STON1: variants seen among roughly 807,000 people sequenced by gnomAD.
The protein encoded by STON1 is stonin 1.
A neutral mutation model predicts 60.9 loss-of-function variants in STON1; 79 were observed. The ratio of observed to expected loss-of-function variants is 1.30; its 90% CI spans 1.08 to 1.56. The LOEUF is 1.56. Ranked by LOEUF, STON1 falls within the 40% of genes most tolerant of loss-of-function variation. The pLI, the probability that STON1 is intolerant of heterozygous loss-of-function variation, is 0.00. For synonymous variants in STON1, 363 were observed against 306.9 expected, an observed-to-expected ratio of 1.18 and a Z score of -1.91; for missense variants, 1,166 against 858.9, an observed-to-expected ratio of 1.36 and a Z score of -4.47.
Position 48,591,649 on chromosome 2 carries a change from C to A in STON1, c.1931-4C>A. The stretch of plus-strand genomic sequence containing the variant: ...TTTGACTATTTGATTTTTTTTCCCT[C>A]GAGGTCTAGATCATCCCCATTGTCT... On this transcript the variant is annotated splice_polypyrimidine_tract_variant and splice_region_variant and intron_variant, in intron 2 of 3. Coordinates refer to ENST00000404752, the MANE Select transcript of STON1 (RefSeq NM_006873.4). 1.2e-6 allele frequency: 2 copies of A among 1,609,032 alleles called. No individual in the cohort carries two copies. Among genetic ancestry groups the A allele is most frequent in the South Asian group, 1.1e-5 (1 of 90,156 alleles).
At chr2:48,551,327 G>A (rs1672096090) in intron 1 of STON1, among the ~76,000 whole-genome samples, 1 of 152,204 alleles carries the variant, frequency 6.6e-6, no homozygotes, top group Non-Finnish European at 1.5e-5. Flanking sequence ...TGCAGTGAAG[G>A]AAGGTCATGC....
At chr2:48,588,214 C>G (rs146732420) in intron 2 of STON1, among the ~76,000 whole-genome samples, 15 of 152,268 alleles carry the variant, frequency 9.9e-5, no homozygotes, top group Middle Eastern at 6.8e-3. Flanking sequence ...AAGGAATACG[C>G]TTAGAATAGC....
At chr2:48,559,689 A>T (rs1256758737) in intron 1 of STON1, among the ~76,000 whole-genome samples, 1 of 152,170 alleles carries the variant, frequency 6.6e-6, no homozygotes, top group Non-Finnish European at 1.5e-5. Flanking sequence ...CAGGGCTGGG[A>T]TTGAAACACA....
At chr2:48,566,943 A>G (rs1428982316) in intron 1 of STON1, among the ~76,000 whole-genome samples, 3 of 152,192 alleles carry the variant, frequency 2.0e-5, no homozygotes, top group Admixed American at 6.5e-5. Flanking sequence ...GCCTGGCTAG[A>G]ATTTGGTCAA....
chr2:48,575,755 G>GTTT (rs199808169), intron 1 of STON1, among the ~76,000 whole-genome samples: 11 of 109,732 alleles, frequency 1.0e-4, no homozygotes, highest in Admixed American at 1.9e-4. Context: ...TTTAGTTTTT[G>GTTT]TTTGTTTTTT....
intron 1 of STON1, among the ~76,000 whole-genome samples, chr2:48,551,239 C>T (rs963237007): frequency 6.6e-5 from 10 of 152,080 alleles, no homozygotes; most frequent in African/African-American, 2.4e-4. Context: ...ATGGGTTGGA[C>T]TATAGATGGG....
At chr2:48,582,826 C>T (rs17037412) in intron 2 of STON1, among the ~76,000 whole-genome samples, 15,761 of 152,120 alleles carry the variant, frequency 0.1, 1,224 homozygotes, top group East Asian at 0.35. Context: ...TTGTGGATGG[C>T]GGCACTAAGA....
In STON1 at chr2:48,581,788, C is replaced by T. The variant is rs150109250; in HGVS notation, c.1155C>T (p.Asp385=). Residue 385 remains aspartate, a synonymous_variant, in exon 2 of 4, where the codon GAC becomes GAT. Coordinates refer to ENST00000404752, the MANE Select transcript of STON1 (RefSeq NM_006873.4). The part of the protein sequence containing the change: ...MLKLGSTSYH[D]FLDFLTTVEE... ...AGTTGGGGTCCACATCGTACCATGA[C>T]TTCCTTGACTTTCTGACTACTGTGG... is the stretch of plus-strand genomic sequence containing the variant. The T allele has an allele frequency of 4.3e-6, 7 of 1,614,176 alleles. No homozygotes were observed. In the African/African-American group the frequency reaches 6.7e-5, roughly 15 times the overall value.
intron 3 of STON1, among the ~76,000 whole-genome samples, chr2:48,592,556 C>G (rs573138994): frequency 1.3e-5 from 2 of 150,710 alleles, no homozygotes; most frequent in African/African-American, 4.9e-5. Context: ...CTCAGCCTCT[C>G]AAGTAACTGG....
chr2:48,553,402 A>G (rs1256831378), intron 1 of STON1, among the ~76,000 whole-genome samples: 1 of 105,668 alleles, frequency 9.5e-6, no homozygotes, highest in Non-Finnish European at 2.0e-5. Context: ...ATCCCGTCCC[A>G]TCCCCTCCCC....
At chr2:48,591,626 T>G (rs761110546) in intron 2 of STON1, 27 bp from the exon 3 acceptor site, 1 of 1,609,686 alleles carries the variant, frequency 6.2e-7, no homozygotes, top group East Asian at 2.2e-5. Context: ...TAAAATACTT[T>G]GACTATTTGA....
chr2:48,576,185 C>CTTTTTTTTTTTT (rs34849002), intron 1 of STON1, among the ~76,000 whole-genome samples: 1 of 63,062 alleles, frequency 1.6e-5, no homozygotes, highest in Non-Finnish European at 2.6e-5. Context: ...GTTTTCCTTT[C>CTTTTTTTTTTTT]TTTTTTTTTT....
intron 1 of STON1, among the ~76,000 whole-genome samples, chr2:48,538,594 TTA>T (rs1671523693): frequency 6.6e-6 from 1 of 151,840 alleles, no homozygotes; most frequent in African/African-American, 2.4e-5. Flanking sequence ...AGAATCTAGC[TTA>T]TATTTCTTAT....
chr2:48,530,436 T>C lies in STON1; in HGVS notation c.-48+220T>C, dbSNP rs904971951. 26 of 203,150 alleles carry C rather than the reference T, an allele frequency of 1.3e-4. No homozygotes were observed. In the Admixed American group the frequency reaches 1.4e-3, roughly 11 times the overall value. The allele number at this position is 203,150 out of a possible 1,614,324, so 12.6% of individuals were successfully genotyped here. ...GGCCTCCCGGCAGGGACTCCTCGGC[T>C]CCCCTCTGTTCTGAGACTGCTGCTG... On this transcript the variant is annotated intron_variant, in intron 1 of 3. Transcript: ENST00000404752.
At chr2:48,554,714 T>TA (rs1553357117) in intron 1 of STON1, among the ~76,000 whole-genome samples, 2,041 of 60,472 alleles carry the variant, frequency 0.034, 337 homozygotes, top group African/African-American at 0.1. Flanking sequence ...AAAATTTTTT[T>TA]TTTTTTTTTT....
chr2:48,597,370 G>A lies in STON1; in HGVS notation c.*2068G>A, dbSNP rs13384825. The A allele has an allele frequency of 2.6e-5, 4 of 152,360 alleles. No homozygotes were observed. The highest frequency in any genetic ancestry group is 9.6e-5 in the African/African-American group (4 of 41,580). The allele number at this position is 152,360 out of a possible 1,614,324, so 9.4% of individuals were successfully genotyped here. On this transcript the variant is annotated 3_prime_UTR_variant, in exon 4 of 4. Coordinates refer to ENST00000404752, the MANE Select transcript of STON1 (RefSeq NM_006873.4). ...GAAACTGATGCTGCCCACAGTCCCA[G>A]TGAAGTTAGGTGGGTTAATTACTGC...
At chr2:48,534,891 C>G (rs1572919423) in intron 1 of STON1, among the ~76,000 whole-genome samples, 1 of 152,192 alleles carries the variant, frequency 6.6e-6, no homozygotes, top group Admixed American at 6.5e-5. Flanking sequence ...CTTTAGAAGT[C>G]TTTGGTAACT....
rs933883400 is a variant in STON1, at chr2:48,576,910, C to T, written c.-47-3677C>T. On this transcript the variant is annotated intron_variant, in intron 1 of 3. Transcript: ENST00000404752. ...TCTACTAAAAATACAAAAAATTAGC[C>T]GGGCGCGGTGGCGGGCGCCTGTAGT... Among the ~76,000 whole-genome samples the T allele has an allele frequency of 2.6e-5, 4 of 152,082 alleles. No homozygotes were observed. In the East Asian group the frequency reaches 5.8e-4, roughly 22 times the overall value.
Position 48,581,637 on chromosome 2 carries a change from T to G in STON1, c.1004T>G (p.Val335Gly). 1.2e-6 allele frequency: 2 copies of G among 1,614,188 alleles called. No individual in the cohort carries two copies. Among genetic ancestry groups the G allele is most frequent in the Non-Finnish European group, 1.7e-6 (2 of 1,180,040 alleles). ...TATTGTAGGCTTTCTGAACCCAAGGTTGAGAACTTCAGTGTAGCAGGAAAA... is the reference window on the plus strand; with the variant it reads ...TATTGTAGGCTTTCTGAACCCAAGGGTGAGAACTTCAGTGTAGCAGGAAAA... ...DPYCRLSEPK[V>G]ENFSVAGKIH... is the part of the protein sequence containing the mutation. Residue 335 changes from valine to glycine, a missense_variant, in exon 2 of 4, where the codon GTT (valine) becomes GGT (glycine). Physicochemically the swap from Val to Gly is moderately radical, Grantham distance 109. Coordinates refer to ENST00000404752, the MANE Select transcript of STON1 (RefSeq NM_006873.4).
Sources: allele counts gnomAD v4.1 joint callset (sites outside exome capture counted in the v4.1 genomes callset), GRCh38; gene constraint gnomAD v4.1.1; transcripts MANE v1.5; gene names NCBI Gene and HGNC (gene_info 2026-07-23, HGNC 2026-07-21).